ASAP1: variants seen among roughly 807,000 people sequenced by gnomAD.
ASAP1 encodes the protein ArfGAP with SH3 domain, ankyrin repeat and PH domain 1.
ASAP1 carries 43 observed loss-of-function variants against 145.2 expected under a neutral mutation model. The observed-to-expected ratio is 0.30, with a 90% CI of 0.23 to 0.38. ASAP1 has a LOEUF of 0.38. Ranked by LOEUF, ASAP1 falls within the 10% of genes least tolerant of loss-of-function variation. ASAP1 has a pLI of 1.00. For missense variants in ASAP1, 1,018 were observed against 1,355.3 expected, an observed-to-expected ratio of 0.75 and a Z score of 3.91; for synonymous variants, 546 against 515.5, an observed-to-expected ratio of 1.06 and a Z score of -0.80.
At chr8:130,180,001 T>G (rs1565057736) in intron 8 of ASAP1, among the ~76,000 whole-genome samples, 22 of 106,264 alleles carry the variant, frequency 2.1e-4, no homozygotes, top group East Asian at 2.7e-4. Context: ...GAGAGAGAGG[T>G]GAGAAAGAGA....
chr8:130,057,520 C>T (rs1192658359), intron 29 of ASAP1, among the ~76,000 whole-genome samples: 1 of 152,048 alleles, frequency 6.6e-6, no homozygotes, highest in Non-Finnish European at 1.5e-5. Context: ...GTGATCTCAT[C>T]TCACTGCAAC....
At chr8:130,390,044 T>C (rs374227698) in intron 2 of ASAP1, among the ~76,000 whole-genome samples, 2 of 152,222 alleles carry the variant, frequency 1.3e-5, no homozygotes, top group East Asian at 3.8e-4. Flanking sequence ...TTGACCCTAC[T>C]ACAACTTAAA....
intron 1 of ASAP1, among the ~76,000 whole-genome samples, chr8:130,427,234 G>C (rs984782357): frequency 5.3e-5 from 8 of 152,114 alleles, no homozygotes; most frequent in Non-Finnish European, 7.3e-5. Flanking sequence ...GAGAGCAATG[G>C]GGACTTCATG....
rs549173460 is a variant in ASAP1, at chr8:130,357,617, C to A, written c.186+400G>T. Among the ~76,000 whole-genome samples the A allele has an allele frequency of 2.0e-5, 3 of 152,364 alleles. No individual in the cohort carries two copies. In the South Asian group the frequency reaches 6.2e-4, roughly 32 times the overall value. ...GTGCGTTCACTGCCCATCTCCTAGT[C>A]CCTTGCTGGTGACCTTGGCTGCACT... On this transcript the variant is annotated intron_variant, in intron 3 of 29. Transcript: ENST00000518721.
At chr8:130,376,494 G>A (rs1357779727) in intron 2 of ASAP1, among the ~76,000 whole-genome samples, 1 of 152,168 alleles carries the variant, frequency 6.6e-6, no homozygotes, top group African/African-American at 2.4e-5. Context: ...TTGGGAGGCC[G>A]AGGTGGGTGG....
intron 3 of ASAP1, among the ~76,000 whole-genome samples, chr8:130,345,757 A>G (rs894074969): frequency 6.6e-6 from 1 of 152,200 alleles, no homozygotes; most frequent in African/African-American, 2.4e-5. Flanking sequence ...CAATCACTTA[A>G]GCTCAGGAGT....
intron 18 of ASAP1, among the ~76,000 whole-genome samples, chr8:130,121,601 G>C (rs978036125): frequency 2.0e-5 from 3 of 151,814 alleles, no homozygotes; most frequent in African/African-American, 7.3e-5. Context: ...GATCAACATG[G>C]AGAAAACTCC....
chr8:130,302,490 T>A (rs1053410490), intron 3 of ASAP1, among the ~76,000 whole-genome samples: 1 of 152,248 alleles, frequency 6.6e-6, no homozygotes, highest in Non-Finnish European at 1.5e-5. Context: ...CACGGCCAGC[T>A]GTTCTTCATG....
chr8:130,196,342 CAAA>C (rs11421234), intron 5 of ASAP1, among the ~76,000 whole-genome samples: 1 of 131,178 alleles, frequency 7.6e-6, no homozygotes. Flanking sequence ...AACTCCATCT[CAAA>C]AAAAAAAAAA....
At chr8:130,435,829 C>T (rs1830292527) in intron 1 of ASAP1, among the ~76,000 whole-genome samples, 1 of 152,172 alleles carries the variant, frequency 6.6e-6, no homozygotes, top group Admixed American at 6.5e-5. Context: ...GATTTTAAAG[C>T]CTCTGGGTGT....
At chr8:130,290,474 T>C (rs986884826) in intron 3 of ASAP1, among the ~76,000 whole-genome samples, 1 of 152,240 alleles carries the variant, frequency 6.6e-6, no homozygotes, top group African/African-American at 2.4e-5. Flanking sequence ...CTTTTCTAAC[T>C]GTAGGATCCA....
intron 1 of ASAP1, among the ~76,000 whole-genome samples, chr8:130,416,021 T>C (rs1014171318): frequency 1.3e-5 from 2 of 152,186 alleles, no homozygotes; most frequent in Admixed American, 6.5e-5. Context: ...AAAATGAAGT[T>C]TCCCCAGAGT....
At position 130,345,267 on chromosome 8, in the gene ASAP1, A is replaced by C. The variant is rs73417935; in HGVS notation, c.186+12750T>G. 6.3e-3 allele frequency among the ~76,000 whole-genome samples: 967 copies of C among 152,326 alleles called. 9 individuals carry two copies. The highest frequency in any genetic ancestry group is 0.023 in the African/African-American group (937 of 41,570). On this transcript the variant is annotated intron_variant, in intron 3 of 29. Coordinates refer to ENST00000518721, the MANE Select transcript of ASAP1 (RefSeq NM_018482.4). ...CTTACCATCCATAAAGAAAAATCTG[A>C]GAGGTCAATACTTTTTGAAAATACC...
At chr8:130,326,476 T>A (rs1256455771) in intron 3 of ASAP1, among the ~76,000 whole-genome samples, 2 of 152,240 alleles carry the variant, frequency 1.3e-5, no homozygotes, top group Non-Finnish European at 2.9e-5. Flanking sequence ...CAGGTTTCAA[T>A]ACACACCACG....
chr8:130,109,885 T>C (rs753452537), intron 24 of ASAP1, among the ~76,000 whole-genome samples: 2 of 152,226 alleles, frequency 1.3e-5, no homozygotes, highest in African/African-American at 2.4e-5. Flanking sequence ...ATCTCTGAAT[T>C]TGATGTCCTG....
intron 7 of ASAP1, 77 bp downstream of exon 7, chr8:130,187,159 A>T: frequency 2.4e-6 from 3 of 1,264,080 alleles, no homozygotes; most frequent in Non-Finnish European, 3.3e-6. Context: ...TTTTCCAGTT[A>T]AGTTTTTTTT....
intron 3 of ASAP1, among the ~76,000 whole-genome samples, chr8:130,268,134 T>G (rs1820366645): frequency 6.6e-6 from 1 of 152,014 alleles, no homozygotes; most frequent in Non-Finnish European, 1.5e-5. Flanking sequence ...AACACAGAAA[T>G]GATTTAGTAA....
intron 2 of ASAP1, chr8:130,361,853 C>T (rs949109282): frequency 1.0e-6 from 1 of 990,520 alleles, no homozygotes; most frequent in Non-Finnish European, 1.5e-6. Context: ...TATACACCAT[C>T]CTCCCCAAAG....
At chr8:130,156,119 A>C (rs1427133404) in intron 12 of ASAP1, among the ~76,000 whole-genome samples, 4 of 152,240 alleles carry the variant, frequency 2.6e-5, no homozygotes, top group Non-Finnish European at 5.9e-5. Context: ...TGGTCCATAA[A>C]GTTTTAAAAA....
Sources: allele counts gnomAD v4.1 joint callset (sites outside exome capture counted in the v4.1 genomes callset), GRCh38; gene constraint gnomAD v4.1.1; transcripts MANE v1.5; gene names NCBI Gene and HGNC (gene_info 2026-07-23, HGNC 2026-07-21).